Variants in NRXN3 observed in about 807,000 individuals in gnomAD.
NRXN3 encodes neurexin III.
In NRXN3, 32 loss-of-function variants were observed where a neutral mutation model predicts 137.6. That is an observed-to-expected ratio of 0.23 (90% CI 0.18 to 0.31). The LOEUF is 0.31. NRXN3 is among the 10% of genes least tolerant of loss of function. The pLI, the probability that NRXN3 is intolerant of heterozygous loss-of-function variation, is 1.00. For synonymous variants in NRXN3, 798 were observed against 784.5 expected (o/e 1.02, Z -0.29); for missense variants, 1,574 against 2,062.5 (o/e 0.76, Z 4.59).
intron 1 of NRXN3, among the ~76,000 whole-genome samples, chr14:78,171,211 T>C (rs2058690016): frequency 7.0e-6 from 1 of 142,558 alleles, no homozygotes; most frequent in Admixed American, 7.3e-5. Flanking sequence ...TATGTGAGTG[T>C]GTGTGTGCTT....
intron 17 of NRXN3, among the ~76,000 whole-genome samples, chr14:79,677,331 A>G (rs1463883632): frequency 6.6e-6 from 1 of 152,068 alleles, no homozygotes; most frequent in Non-Finnish European, 1.5e-5. Context: ...TAAATCTAAA[A>G]TCTTAGCCAA....
chr14:79,322,820 G>A (rs1283326149), intron 15 of NRXN3, among the ~76,000 whole-genome samples: 1 of 152,166 alleles, frequency 6.6e-6, no homozygotes, highest in Non-Finnish European at 1.5e-5. Context: ...ATTGTACTTA[G>A]TGCTAGTCAG....
intron 16 of NRXN3, among the ~76,000 whole-genome samples, chr14:79,573,223 G>T (rs778621295): frequency 1.3e-5 from 2 of 152,138 alleles, no homozygotes; most frequent in African/African-American, 2.4e-5. Flanking sequence ...GGGAGAGAGA[G>T]AGATTCTGTC....
At chr14:79,196,196 G>T (rs12590260) in intron 15 of NRXN3, among the ~76,000 whole-genome samples, 5,423 of 152,282 alleles carry the variant, frequency 0.036, 233 homozygotes, top group East Asian at 0.21. Context: ...TGATAGCCTG[G>T]ATCACATCTA....
At chr14:79,022,297 A>G (rs1235403588) in intron 15 of NRXN3, among the ~76,000 whole-genome samples, 1 of 152,232 alleles carries the variant, frequency 6.6e-6, no homozygotes, top group Non-Finnish European at 1.5e-5. Flanking sequence ...ATGAGCTAGT[A>G]CAATGTACCA....
At chr14:79,027,705 G>C (rs1355930164) in intron 15 of NRXN3, among the ~76,000 whole-genome samples, 1 of 152,086 alleles carries the variant, frequency 6.6e-6, no homozygotes, top group Non-Finnish European at 1.5e-5. Context: ...GCTCTGGAAA[G>C]GATGTTGTTA....
At chr14:79,225,694 A>C (rs2070735392) in intron 15 of NRXN3, among the ~76,000 whole-genome samples, 1 of 152,190 alleles carries the variant, frequency 6.6e-6, no homozygotes, top group African/African-American at 2.4e-5. Flanking sequence ...TTATTTTTAG[A>C]AATAAAAATA....
At chr14:79,689,870 T>C (rs1358244764) in intron 17 of NRXN3, among the ~76,000 whole-genome samples, 1 of 152,162 alleles carries the variant, frequency 6.6e-6, no homozygotes, top group African/African-American at 2.4e-5. Context: ...TCTTAATTAA[T>C]TTGGTGTATA....
At chr14:78,395,995 G>A (rs1410363536) in intron 4 of NRXN3, among the ~76,000 whole-genome samples, 2 of 151,892 alleles carry the variant, frequency 1.3e-5, no homozygotes, top group African/African-American at 4.8e-5. Flanking sequence ...TCATTTATAT[G>A]TAAGGGTGTA....
chr14:78,739,039 C>T (rs1010151802), intron 8 of NRXN3, among the ~76,000 whole-genome samples: 15 of 152,180 alleles, frequency 9.9e-5, no homozygotes, highest in Non-Finnish European at 1.9e-4. Context: ...TGCCTGTGAA[C>T]GCCAAGCCTC....
chr14:78,219,594 A>G (rs1434378296), intron 1 of NRXN3, among the ~76,000 whole-genome samples: 1 of 152,206 alleles, frequency 6.6e-6, no homozygotes, highest in African/African-American at 2.4e-5. Context: ...CCCCACCTCT[A>G]AAGTGGAAGT....
chr14:78,509,116 A>G (rs1335563262), intron 4 of NRXN3, among the ~76,000 whole-genome samples: 1 of 152,280 alleles, frequency 6.6e-6, no homozygotes, highest in Non-Finnish European at 1.5e-5. Context: ...CCTGGCCAAC[A>G]CGGTGAAACC....
intron 15 of NRXN3, among the ~76,000 whole-genome samples, chr14:79,120,588 C>A (rs2055238163): frequency 6.6e-6 from 1 of 151,896 alleles, no homozygotes; most frequent in Admixed American, 6.6e-5. Context: ...ATATATTCAC[C>A]ATGTGTACAT....
At chr14:79,073,958 T>C (rs1043360887) in intron 15 of NRXN3, among the ~76,000 whole-genome samples, 3 of 152,232 alleles carry the variant, frequency 2.0e-5, no homozygotes, top group African/African-American at 7.2e-5. Context: ...ATTAAATCTC[T>C]GTAACACACG....
At chr14:79,739,542 G>A (rs1359939617) in intron 19 of NRXN3, among the ~76,000 whole-genome samples, 1 of 150,286 alleles carries the variant, frequency 6.7e-6, no homozygotes, top group East Asian at 2.0e-4. Context: ...TACTCAGGAG[G>A]CTGAGGCAGG....
intron 20 of NRXN3, among the ~76,000 whole-genome samples, chr14:79,850,006 G>A (rs1327906181): frequency 2.0e-5 from 3 of 152,112 alleles, no homozygotes. Flanking sequence ...GTCAAACTGT[G>A]ATTCAGAAAT....
chr14:79,844,716 C>T (rs1252463532), intron 20 of NRXN3, among the ~76,000 whole-genome samples: 1 of 152,134 alleles, frequency 6.6e-6, no homozygotes, highest in Non-Finnish European at 1.5e-5. Flanking sequence ...AGACTACAGG[C>T]ATAGTACATT....
chr14:79,033,987 G>T (rs1201436830), intron 15 of NRXN3, among the ~76,000 whole-genome samples: 1 of 152,078 alleles, frequency 6.6e-6, no homozygotes, highest in Non-Finnish European at 1.5e-5. Context: ...GAGGAGATGG[G>T]TTGCATAGTG....
chr14:79,567,202 A>C (rs2097558814), intron 16 of NRXN3, among the ~76,000 whole-genome samples: 2 of 151,834 alleles, frequency 1.3e-5, no homozygotes, highest in African/African-American at 4.8e-5. Flanking sequence ...GAATGACATA[A>C]TTATGTTAAA....
Sources: allele counts gnomAD v4.1 joint callset (sites outside exome capture counted in the v4.1 genomes callset), GRCh38; gene constraint gnomAD v4.1.1; transcripts MANE v1.5; gene names NCBI Gene and HGNC (gene_info 2026-07-23, HGNC 2026-07-21).